The following ZFYVE21 variants were observed in gnomAD, a reference collection of about 807,000 sequenced individuals.
ZFYVE21 encodes zinc finger FYVE-type containing 21, also known as zinc finger FYVE domain-containing protein 21.
ZFYVE21 carries 21 observed loss-of-function variants against 29.5 expected under a neutral mutation model. The observed-to-expected ratio is 0.71, with a 90% CI of 0.50 to 1.02. The LOEUF is 1.02. Ranked by LOEUF, ZFYVE21 falls within the 50% of genes least tolerant of loss-of-function variation. ZFYVE21 has a pLI of 0.00. For synonymous variants in ZFYVE21, 151 were observed against 133.8 expected (o/e 1.13, Z -0.89); for missense variants, 326 against 335.4 (o/e 0.97, Z 0.22).
At chr14:103,729,050 G>T in intron 4 of ZFYVE21, 41 bp from the exon 5 acceptor site, 1 of 1,613,886 alleles carries the variant, frequency 6.2e-7, no homozygotes. Flanking sequence ...GTGGCACTGA[G>T]CCTGAGAATG....
At chr14:103,718,996 C>G (rs2083851483) in intron 1 of ZFYVE21, among the ~76,000 whole-genome samples, 1 of 152,164 alleles carries the variant, frequency 6.6e-6, no homozygotes, top group African/African-American at 2.4e-5. Flanking sequence ...TCTCACAGGC[C>G]AGGCCGGACA....
rs777703884 is a variant in ZFYVE21 at position 103,729,112 on chromosome 14, C to G, written c.456C>G (p.Asp152Glu). The change falls in exon 5 of 7, where the codon GAC (aspartate) becomes GAG (glutamate). Residue 152 changes from aspartate to glutamate, a missense_variant. Physicochemically the swap from Asp to Glu is conservative, Grantham distance 45. Coordinates refer to ENST00000311141, the MANE Select transcript of ZFYVE21 (RefSeq NM_024071.4). ...GTAGATACTTGTTTCTGGATGGAGA[C>G]AGCCACTATGAAATCGAAATTGTAC... ...NNQRYLFLDG[D>E]SHYEIEIVHI... 1.2e-6 allele frequency: 2 copies of G among 1,614,088 alleles called. No homozygotes were observed. Among genetic ancestry groups the G allele is most frequent in the Non-Finnish European group, 1.7e-6 (2 of 1,180,018 alleles).
intron 1 of ZFYVE21, among the ~76,000 whole-genome samples, chr14:103,720,441 G>A (rs1595688170): frequency 6.6e-6 from 1 of 152,182 alleles, no homozygotes; most frequent in Non-Finnish European, 1.5e-5. Flanking sequence ...AGTGGGTGAC[G>A]CTTCTCACTG....
chr14:103,730,015 T>A, intron 5 of ZFYVE21: 1 of 740,548 alleles, frequency 1.4e-6, no homozygotes, highest in Non-Finnish European at 2.1e-6. Context: ...AGTGGGTTTA[T>A]AAAGCATAAA....
chr14:103,732,879 C>T, intron 6 of ZFYVE21, 104 bp from the exon 7 acceptor site: 1 of 1,603,156 alleles, frequency 6.2e-7, no homozygotes, highest in Non-Finnish European at 8.5e-7. Context: ...TGTTCCCCCT[C>T]AGCTGGGGTG....
chr14:103,729,428 A>C, intron 5 of ZFYVE21: 1 of 575,790 alleles, frequency 1.7e-6, no homozygotes, highest in Non-Finnish European at 3.1e-6. Context: ...TGTCATAATG[A>C]TTTCCTCTGC....
At chr14:103,721,299 C>T (rs1212554329) in intron 1 of ZFYVE21, among the ~76,000 whole-genome samples, 1 of 152,246 alleles carries the variant, frequency 6.6e-6, no homozygotes, top group African/African-American at 2.4e-5. Flanking sequence ...CTCCTGTAGG[C>T]AGCCAGGAGA....
chr14:103,730,237 A>T, intron 5 of ZFYVE21: 1 of 215,398 alleles, frequency 4.6e-6, no homozygotes, highest in Non-Finnish European at 9.2e-6. Context: ...GGGACCCCTG[A>T]CTCTCCTGGC....
At position 103,728,932 on chromosome 14, in the gene ZFYVE21, G is replaced by T; in HGVS notation, c.383G>T (p.Gly128Val). ...LSGATFLVTF[G>V]NSEKPETMTC... The stretch of plus-strand genomic sequence containing the variant: ...GGAGCCACCTTCCTCGTCACGTTTG[G>T]AAACTCAGAGAAACCTGAAACTATG... Residue 128 changes from glycine (G) to valine (V), a missense_variant, in exon 4 of 7, where the codon GGA (glycine) becomes GTA (valine). Physicochemically the swap from Gly to Val is moderately radical, Grantham distance 109. Coordinates refer to ENST00000311141, the MANE Select transcript of ZFYVE21 (RefSeq NM_024071.4). 1 of 1,614,052 alleles carries T rather than the reference G, an allele frequency of 6.2e-7. No homozygotes were observed. Among genetic ancestry groups the T allele is most frequent in the Non-Finnish European group, 8.5e-7 (1 of 1,180,032 alleles).
intron 1 of ZFYVE21, 130 bp from the exon 2 acceptor site, chr14:103,726,662 T>C (rs1230098514): frequency 5.9e-6 from 7 of 1,184,670 alleles, no homozygotes; most frequent in Non-Finnish European, 8.7e-6. Context: ...GTCACAACCC[T>C]GCCTGCCTCA....
intron 3 of ZFYVE21, among the ~76,000 whole-genome samples, chr14:103,728,375 G>A (rs1020095232): frequency 5.9e-5 from 9 of 152,138 alleles, no homozygotes; most frequent in African/African-American, 1.4e-4. Flanking sequence ...TCTGAACAAC[G>A]AGCAGCGCCT....
chr14:103,719,706 C>G (rs553584943), intron 1 of ZFYVE21, among the ~76,000 whole-genome samples: 2 of 152,108 alleles, frequency 1.3e-5, no homozygotes, highest in East Asian at 3.9e-4. Flanking sequence ...AAAGCTCACC[C>G]CTGTGAGGTG....
At chr14:103,721,976 C>A (rs2083876301) in intron 1 of ZFYVE21, among the ~76,000 whole-genome samples, 1 of 152,216 alleles carries the variant, frequency 6.6e-6, no homozygotes, top group South Asian at 2.1e-4. Context: ...CACTTGGTTT[C>A]TGGGCTTTGG....
At chr14:103,729,639 T>G (rs1439881693) in intron 5 of ZFYVE21, 10 of 952,382 alleles carry the variant, frequency 1.0e-5, no homozygotes, top group Non-Finnish European at 1.6e-5. Context: ...CCTGGGCCTC[T>G]CCACTAAACT....
intron 2 of ZFYVE21, chr14:103,727,510 A>G (rs1264964456): frequency 1.5e-6 from 1 of 681,952 alleles, no homozygotes; most frequent in African/African-American, 1.8e-5. Flanking sequence ...GAAAGCTGAA[A>G]AACAGCCATT....
Position 103,733,156 on chromosome 14 carries a change from A to T in ZFYVE21, c.*138A>T. On this transcript the variant is annotated 3_prime_UTR_variant, in exon 7 of 7. Transcript: ENST00000311141. ...TGCAACTCACTCATGTATTTGGAGA[A>T]ACAGGAGTGTTCACTTATCTAGTGC... The T allele has an allele frequency of 9.0e-7, 1 of 1,113,784 alleles. No homozygotes were observed. Among genetic ancestry groups the T allele is most frequent in the Non-Finnish European group, 1.3e-6 (1 of 759,250 alleles). The allele number at this position is 1,113,784 out of a possible 1,614,324, so 69.0% of individuals were successfully genotyped here. A position where few individuals can be genotyped will look rare whatever the true frequency, so the allele number is the denominator to read the frequency against.
intron 3 of ZFYVE21, chr14:103,728,215 G>A: frequency 3.1e-6 from 1 of 323,650 alleles, no homozygotes; most frequent in South Asian, 4.1e-5. Context: ...CCCGGCGCCG[G>A]CGCTCGGGCG....
chr14:103,722,974 C>G (rs2083886701), intron 1 of ZFYVE21, among the ~76,000 whole-genome samples: 1 of 152,134 alleles, frequency 6.6e-6, no homozygotes. Context: ...TAGAAATTGG[C>G]CTTTCAGCTT....
Position 103,724,194 on chromosome 14 carries a change from C to G in ZFYVE21, c.139-2598C>G, listed in dbSNP as rs574297686. Among the ~76,000 whole-genome samples, 4 of 152,378 alleles carry G rather than the reference C, an allele frequency of 2.6e-5. No homozygotes were observed. The South Asian group carries it at 6.2e-4, about 24-fold the overall frequency. On this transcript the variant is annotated intron_variant, in intron 1 of 6. Transcript: ENST00000311141. ...CGGCCGCGCGGTCCCCACCCCAGCT[C>G]AGACCCAGGGGCCTGTGTTCCAGAA...
Sources: gnomAD v4.1 joint callset for allele counts (sites outside exome capture counted in the v4.1 genomes callset) on GRCh38, gnomAD v4.1.1 for gene constraint, MANE v1.5 for transcripts, NCBI Gene and HGNC (gene_info 2026-07-23, HGNC 2026-07-21) for gene names.